PIK3C2G: variants seen among roughly 807,000 people sequenced by gnomAD.
The protein encoded by PIK3C2G is phosphatidylinositol-4-phosphate 3-kinase catalytic subunit type 2 gamma, also known as phosphatidylinositol 3-kinase C2 domain-containing subunit gamma.
Under a neutral mutation model 181.1 loss-of-function variants are expected in PIK3C2G, and 168 were observed. The observed-to-expected ratio is 0.93, with a 90% CI of 0.82 to 1.05. PIK3C2G has a LOEUF of 1.05. Ranked by LOEUF, PIK3C2G falls within the 50% of genes least tolerant of loss-of-function variation. The pLI is 0.00. For missense variants in PIK3C2G, 1,869 were observed against 1,732.8 expected (o/e 1.08, Z -1.40); for synonymous variants, 573 against 592.2 (o/e 0.97, Z 0.47).
At chr12:18,386,313 T>C (rs1183775532) in intron 14 of PIK3C2G, among the ~76,000 whole-genome samples, 1 of 152,174 alleles carries the variant, frequency 6.6e-6, no homozygotes, top group Non-Finnish European at 1.5e-5. Flanking sequence ...TACCATACTA[T>C]CCTCCCATTT....
At chr12:18,484,690 G>A (rs1023105432) in intron 18 of PIK3C2G, among the ~76,000 whole-genome samples, 5 of 152,092 alleles carry the variant, frequency 3.3e-5, no homozygotes, top group South Asian at 2.1e-4. Context: ...ATTGTATAAC[G>A]TATCAAGTTC....
chr12:18,542,295 A>T (rs11044173), intron 25 of PIK3C2G, among the ~76,000 whole-genome samples: 25,676 of 151,858 alleles, frequency 0.17, 2,301 homozygotes, highest in South Asian at 0.25. Flanking sequence ...TCTAGTGGCT[A>T]TCGGGAATGT....
the PIK3C2G span, among the ~76,000 whole-genome samples, chr12:18,690,116 C>G: frequency 1.3e-5 from 2 of 152,088 alleles, no homozygotes; most frequent in Admixed American, 6.6e-5. Flanking sequence ...CTATTCATAA[C>G]AGGAAAAATA....
chr12:18,428,413 C>T (rs1002851207), intron 18 of PIK3C2G, among the ~76,000 whole-genome samples: 6 of 151,448 alleles, frequency 4.0e-5, no homozygotes, highest in African/African-American at 1.5e-4. Context: ...ACTGCTTCCT[C>T]AGATTCACCA....
At chr12:18,305,838 A>C (rs139800560) in intron 5 of PIK3C2G, among the ~76,000 whole-genome samples, 27 of 152,106 alleles carry the variant, frequency 1.8e-4, no homozygotes, top group African/African-American at 6.0e-4. Flanking sequence ...AAATTTTATA[A>C]ATTTCACATA....
intron 18 of PIK3C2G, among the ~76,000 whole-genome samples, chr12:18,449,359 T>C (rs751618965): frequency 6.6e-6 from 1 of 152,176 alleles, no homozygotes; most frequent in African/African-American, 2.4e-5. Flanking sequence ...TAGGTATACA[T>C]GTGCCATGGT....
the PIK3C2G span, among the ~76,000 whole-genome samples, chr12:18,686,289 G>A: frequency 6.6e-6 from 1 of 151,926 alleles, no homozygotes; most frequent in Non-Finnish European, 1.5e-5. Context: ...CTCTGTTAAA[G>A]TTATAGCCCT....
chr12:18,491,083 A>G (rs1197687944), intron 19 of PIK3C2G, among the ~76,000 whole-genome samples: 1 of 152,166 alleles, frequency 6.6e-6, no homozygotes, highest in African/African-American at 2.4e-5. Flanking sequence ...GAAAATTATC[A>G]GAAAAGGATC....
At chr12:18,425,955 G>A (rs747422176) in intron 18 of PIK3C2G, among the ~76,000 whole-genome samples, 4 of 152,170 alleles carry the variant, frequency 2.6e-5, no homozygotes, top group Admixed American at 1.3e-4. Flanking sequence ...TTGAATGCTA[G>A]TGGTTTGTCC....
chr12:18,670,052 A>T, the PIK3C2G span, among the ~76,000 whole-genome samples: 8 of 152,158 alleles, frequency 5.3e-5, no homozygotes, highest in Admixed American at 4.6e-4. Context: ...CCTCCCAAAG[A>T]TCCTACCTCC....
chr12:18,243,565 G>A (rs1208748658), upstream of PIK3C2G, among the ~76,000 whole-genome samples: 1 of 151,978 alleles, frequency 6.6e-6, no homozygotes, highest in Admixed American at 6.6e-5. Context: ...ATCAAGTGCA[G>A]TTGAAAAATT....
At chr12:18,525,317 G>A (rs1017482718) in intron 24 of PIK3C2G, among the ~76,000 whole-genome samples, 5 of 152,016 alleles carry the variant, frequency 3.3e-5, no homozygotes, top group South Asian at 4.2e-4. Context: ...GCGTGAACCC[G>A]GGAGGCAGAG....
intron 29 of PIK3C2G, 103 bp downstream of exon 29, chr12:18,567,160 G>T: frequency 1.6e-6 from 1 of 619,136 alleles, no homozygotes; most frequent in East Asian, 2.9e-5. Context: ...TACTTTGGGA[G>T]GTCAAGGTGG....
At chr12:18,543,682 A>G (rs188403021) in intron 25 of PIK3C2G, among the ~76,000 whole-genome samples, 76 of 151,986 alleles carry the variant, frequency 5.0e-4, no homozygotes, top group Non-Finnish European at 5.2e-4. Context: ...TCAGCTTAGT[A>G]AAAGATCAGA....
intron 16 of PIK3C2G, among the ~76,000 whole-genome samples, chr12:18,419,374 C>T (rs1945350437): frequency 6.6e-6 from 1 of 152,186 alleles, no homozygotes; most frequent in Non-Finnish European, 1.5e-5. Flanking sequence ...TACCTAGTAA[C>T]TATTCCCTCC....
rs191062805 is a variant in PIK3C2G at position 18,299,989 on chromosome 12, G to A, written c.1034+5974G>A. Among the ~76,000 whole-genome samples, 303 of 152,006 alleles carry A rather than the reference G, an allele frequency of 2.0e-3. 2 individuals carry two copies. The highest frequency in any genetic ancestry group is 4.9e-4 in the Non-Finnish European group (33 of 67,830). On this transcript the variant is annotated intron_variant, in intron 5 of 32. Coordinates refer to ENST00000538779, the MANE Select transcript of PIK3C2G (RefSeq NM_001288772.2). ...CATTATCAGGACATTAATCTGTAGT[G>A]TTATTTTTTGTGGTGGCTTTGTCTG... is the stretch of plus-strand genomic sequence containing the variant.
chr12:18,518,031 T>A (rs1942661575), intron 24 of PIK3C2G, among the ~76,000 whole-genome samples: 1 of 152,214 alleles, frequency 6.6e-6, no homozygotes, highest in African/African-American at 2.4e-5. Flanking sequence ...TGACGATGGA[T>A]TACATTTATT....
intron 6 of PIK3C2G, among the ~76,000 whole-genome samples, chr12:18,319,064 G>A (rs1038147037): frequency 4.0e-5 from 6 of 151,522 alleles, no homozygotes; most frequent in Non-Finnish European, 4.4e-5. Context: ...CAGCCTGAGC[G>A]ACAGAGCAAG....
At chr12:18,449,074 A>G (rs1044699057) in intron 18 of PIK3C2G, among the ~76,000 whole-genome samples, 1 of 151,930 alleles carries the variant, frequency 6.6e-6, no homozygotes, top group Non-Finnish European at 1.5e-5. Flanking sequence ...ACTGTTTTCC[A>G]TAATAGTTGT....
Sources: allele counts gnomAD v4.1 joint callset (sites outside exome capture counted in the v4.1 genomes callset), GRCh38; gene constraint gnomAD v4.1.1; transcripts MANE v1.5; gene names NCBI Gene and HGNC (gene_info 2026-07-23, HGNC 2026-07-21).